Variants in ARB2A observed in about 807,000 individuals in gnomAD.
ARB2A encodes the protein cotranscriptional regulator ARB2A.
At chr5:94,094,986 T>C in the ARB2A span, among the ~76,000 whole-genome samples, 3 of 152,326 alleles carry the variant, frequency 2.0e-5, no homozygotes, top group South Asian at 6.2e-4. Context: ...CATGACGTCA[T>C]GATCACGTCA....
the ARB2A span, among the ~76,000 whole-genome samples, chr5:93,985,151 C>A: frequency 6.6e-6 from 1 of 152,070 alleles, no homozygotes; most frequent in Non-Finnish European, 1.5e-5. Flanking sequence ...GTCTTATTAT[C>A]CCCTCTTTCT....
At chr5:93,673,493 C>T in the ARB2A span, among the ~76,000 whole-genome samples, 1 of 151,974 alleles carries the variant, frequency 6.6e-6, no homozygotes, top group Admixed American at 6.6e-5. Flanking sequence ...AAAAGTACAA[C>T]AGCTTCTTCA....
At chr5:93,784,793 T>C in the ARB2A span, among the ~76,000 whole-genome samples, 1 of 152,202 alleles carries the variant, frequency 6.6e-6, no homozygotes, top group Non-Finnish European at 1.5e-5. Context: ...GGGGAATCCC[T>C]GAGGGTTTCT....
chr5:93,690,331 G>A, the ARB2A span, among the ~76,000 whole-genome samples: 1 of 152,208 alleles, frequency 6.6e-6, no homozygotes, highest in Non-Finnish European at 1.5e-5. Flanking sequence ...TAGCAGAGCA[G>A]TATGAAGTTG....
the ARB2A span, among the ~76,000 whole-genome samples, chr5:93,853,180 G>T: frequency 6.6e-6 from 1 of 152,076 alleles, no homozygotes; most frequent in Non-Finnish European, 1.5e-5. Flanking sequence ...CACGTCCCTT[G>T]TAAGTTGGAT....
chr5:94,033,711 C>T, the ARB2A span, among the ~76,000 whole-genome samples: 6 of 152,264 alleles, frequency 3.9e-5, no homozygotes, highest in South Asian at 2.1e-4. Context: ...AGGCATGAGC[C>T]GCTGTGCCTG....
At chr5:93,986,439 G>GT in the ARB2A span, among the ~76,000 whole-genome samples, 784 of 150,060 alleles carry the variant, frequency 5.2e-3, 5 homozygotes, top group Non-Finnish European at 9.0e-3. Flanking sequence ...CATCTGGGGG[G>GT]TGGGGGGGCC....
chr5:93,878,300 C>A, the ARB2A span, among the ~76,000 whole-genome samples: 18 of 152,078 alleles, frequency 1.2e-4, no homozygotes, highest in African/African-American at 4.3e-4. Flanking sequence ...ATCTGCTCTA[C>A]AAATATTTAT....
At chr5:93,938,045 A>T in the ARB2A span, among the ~76,000 whole-genome samples, 1 of 152,182 alleles carries the variant, frequency 6.6e-6, no homozygotes, top group Non-Finnish European at 1.5e-5. Context: ...GCCCAAATGT[A>T]GTCTCTTTTC....
the ARB2A span, among the ~76,000 whole-genome samples, chr5:93,937,453 CA>C: frequency 1.3e-5 from 2 of 149,062 alleles, no homozygotes; most frequent in Admixed American, 1.3e-4. Context: ...AAAAAAAATA[CA>C]AAAAAAAATT....
At chr5:94,077,246 G>A in the ARB2A span, among the ~76,000 whole-genome samples, 1 of 151,774 alleles carries the variant, frequency 6.6e-6, no homozygotes, top group African/African-American at 2.4e-5. Context: ...GGTGGCACAC[G>A]CCTGTAGTCC....
chr5:94,109,473 C>T, the ARB2A span, among the ~76,000 whole-genome samples: 3 of 152,112 alleles, frequency 2.0e-5, no homozygotes, highest in African/African-American at 7.2e-5. Context: ...GTAAATAGTG[C>T]TTACTTTTGT....
chr5:93,682,673 G>A, the ARB2A span, among the ~76,000 whole-genome samples: 1 of 151,960 alleles, frequency 6.6e-6, no homozygotes, highest in Non-Finnish European at 1.5e-5. Flanking sequence ...AAACTAAACA[G>A]GCATTTTGGA....
At chr5:94,052,962 GT>G in the ARB2A span, among the ~76,000 whole-genome samples, 1 of 152,122 alleles carries the variant, frequency 6.6e-6, no homozygotes, top group South Asian at 2.1e-4. Flanking sequence ...ATGCAAGGAT[GT>G]CACTATTTCT....
At chr5:93,828,979 G>A in the ARB2A span, among the ~76,000 whole-genome samples, 1 of 152,078 alleles carries the variant, frequency 6.6e-6, no homozygotes, top group East Asian at 1.9e-4. Flanking sequence ...GTTTCGCCAT[G>A]TTGGCTTGGC....
At chr5:93,650,151 C>A in the ARB2A span, among the ~76,000 whole-genome samples, 3 of 135,324 alleles carry the variant, frequency 2.2e-5, no homozygotes, top group Non-Finnish European at 3.1e-5. Context: ...TGGAACATAT[C>A]AAGAAGGAAA....
At chr5:93,766,716 G>C in the ARB2A span, among the ~76,000 whole-genome samples, 1 of 152,102 alleles carries the variant, frequency 6.6e-6, no homozygotes, top group Non-Finnish European at 1.5e-5. Flanking sequence ...TATAAATCAT[G>C]CTGCTATAAA....
chr5:93,852,360 T>G, the ARB2A span, among the ~76,000 whole-genome samples: 1 of 152,224 alleles, frequency 6.6e-6, no homozygotes, highest in Non-Finnish European at 1.5e-5. Context: ...ATTAGCCCTT[T>G]GTCAGATGAG....
At chr5:93,632,258 G>A in the ARB2A span, among the ~76,000 whole-genome samples, 12 of 152,188 alleles carry the variant, frequency 7.9e-5, no homozygotes, top group Non-Finnish European at 2.9e-5. Flanking sequence ...GAAGGCCATC[G>A]GTTTCAACTG....
Sources: gnomAD v4.1 joint callset for allele counts (sites outside exome capture counted in the v4.1 genomes callset) on GRCh38, gnomAD v4.1.1 for gene constraint, MANE v1.5 for transcripts, NCBI Gene and HGNC (gene_info 2026-07-23, HGNC 2026-07-21) for gene names.